The following TCF7L1 variants were observed in gnomAD, a reference collection of about 807,000 sequenced individuals.
The protein encoded by TCF7L1 is transcription factor 7 like 1.
A neutral mutation model predicts 63.7 loss-of-function variants in TCF7L1; 18 were observed. That is an observed-to-expected ratio of 0.28 (90% CI 0.20 to 0.42). The LOEUF (loss-of-function observed/expected upper bound fraction) is 0.42, where lower values mean the gene tolerates loss of function less well. TCF7L1 is among the 10% of genes least tolerant of loss of function. TCF7L1 has a pLI of 1.00. For synonymous variants in TCF7L1, 355 were observed against 340.9 expected (o/e 1.04, Z -0.46); for missense variants, 654 against 779.3 (o/e 0.84, Z 1.91).
rs367793912 is a variant in TCF7L1, at chr2:85,302,604, G to A, written c.646G>A (p.Asp216Asn). The A allele has an allele frequency of 4.7e-5, 69 of 1,473,216 alleles. 1 individual carries two copies. The highest frequency in any genetic ancestry group is 3.9e-4 in the South Asian group (35 of 88,878). The allele number at this position is 1,473,216 out of a possible 1,614,324, so 91.3% of individuals were successfully genotyped here. ...SPPTHLSPEI[D>N]PKTGIPRPPH... The stretch of plus-strand genomic sequence containing the variant: ...TCCCACCCACCTCTCCCCAGAGATC[G>A]ATCCAAAGACAGGTAAGTCGTCTGC... The change falls in exon 5 of 12, where the codon GAT becomes AAT. Residue 216 changes from aspartate (D) to asparagine (N), a missense_variant. Around this residue, in one of 3 missense-constraint regions of TCF7L1, gnomAD observed 404 missense variants for 454.8 expected, o/e 0.89. Coordinates refer to ENST00000282111, the MANE Select transcript of TCF7L1 (RefSeq NM_031283.3).
chr2:85,298,613 A>G (rs1481497674), intron 4 of TCF7L1, among the ~76,000 whole-genome samples: 2 of 152,190 alleles, frequency 1.3e-5, no homozygotes, highest in East Asian at 1.9e-4. Context: ...TGAGCTAGAA[A>G]GAGCTGGCTT....
intron 3 of TCF7L1, among the ~76,000 whole-genome samples, chr2:85,206,827 C>T (rs1390283649): frequency 1.3e-5 from 2 of 152,104 alleles, no homozygotes; most frequent in Non-Finnish European, 1.5e-5. Flanking sequence ...AGGAAACAAA[C>T]GTCTTAGGAG....
rs781174724 is a variant in TCF7L1, at chr2:85,133,969, G to C, written c.249+36G>C. On this transcript the variant is annotated intron_variant, in intron 1 of 11. Coordinates refer to ENST00000282111, the MANE Select transcript of TCF7L1 (RefSeq NM_031283.3). The surrounding 1 kb of genome is among the most constrained non-coding windows in gnomAD (Gnocchi z 4.4). ...ACCGCGGCCACCCCCGGGGGATCCCGGCCCTGCGTCCGCTCACCCGCTCTT... is the reference window on the plus strand; with the variant it reads ...ACCGCGGCCACCCCCGGGGGATCCCCGCCCTGCGTCCGCTCACCCGCTCTT... 1.3e-6 allele frequency: 2 copies of C among 1,586,034 alleles called. No individual in the cohort carries two copies. Among genetic ancestry groups the C allele is most frequent in the South Asian group, 2.3e-5 (2 of 87,710 alleles).
intron 3 of TCF7L1, among the ~76,000 whole-genome samples, chr2:85,255,604 C>A (rs951687912): frequency 6.6e-6 from 1 of 152,194 alleles, no homozygotes; most frequent in Middle Eastern, 3.2e-3. Context: ...GAAGCCTAAA[C>A]AGGGTGGGCT....
At chr2:85,223,172 C>G (rs1159682124) in intron 3 of TCF7L1, among the ~76,000 whole-genome samples, 1 of 152,222 alleles carries the variant, frequency 6.6e-6, no homozygotes, top group Non-Finnish European at 1.5e-5. Context: ...GCTTCAAACT[C>G]CTGGGCCCAA....
At chr2:85,307,068 C>T (rs939918488) in intron 10 of TCF7L1, among the ~76,000 whole-genome samples, 5 of 152,160 alleles carry the variant, frequency 3.3e-5, no homozygotes, top group Non-Finnish European at 7.3e-5. Flanking sequence ...GTCCTGAGGA[C>T]GGACTTCAGT....
intron 3 of TCF7L1, among the ~76,000 whole-genome samples, chr2:85,137,646 A>G (rs62162824): frequency 0.077 from 11,758 of 152,316 alleles, 536 homozygotes; most frequent in Middle Eastern, 0.13. Flanking sequence ...TAATCCCAGC[A>G]CTTTGGGAGG....
chr2:85,158,847 C>A (rs1480996439), intron 3 of TCF7L1, among the ~76,000 whole-genome samples: 1 of 152,230 alleles, frequency 6.6e-6, no homozygotes, highest in African/African-American at 2.4e-5. Context: ...TGAAGGGCCT[C>A]CTGGTACTGC....
intron 3 of TCF7L1, among the ~76,000 whole-genome samples, chr2:85,214,464 C>T (rs553814431): frequency 3.5e-4 from 53 of 152,260 alleles, no homozygotes; most frequent in African/African-American, 1.2e-3. Flanking sequence ...AATTGGGAGC[C>T]TTGATTTGAC....
intron 3 of TCF7L1, among the ~76,000 whole-genome samples, chr2:85,155,818 C>G (rs1207003878): frequency 6.6e-6 from 1 of 152,042 alleles, no homozygotes; most frequent in Non-Finnish European, 1.5e-5. Context: ...GCACCCCACT[C>G]TAACATTGTT....
At chr2:85,262,052 C>G in intron 3 of TCF7L1, 2 of 533,308 alleles carry the variant, frequency 3.8e-6, no homozygotes, top group South Asian at 2.8e-5. Flanking sequence ...GCTGGAGACA[C>G]TTTGTAGCAG....
At chr2:85,141,787 A>G (rs1288346998) in intron 3 of TCF7L1, among the ~76,000 whole-genome samples, 1 of 152,188 alleles carries the variant, frequency 6.6e-6, no homozygotes, top group African/African-American at 2.4e-5. Flanking sequence ...CCCCAGCTTT[A>G]AAGACGAGCC....
chr2:85,243,252 G>A (rs1680380186), intron 3 of TCF7L1, among the ~76,000 whole-genome samples: 1 of 152,184 alleles, frequency 6.6e-6, no homozygotes, highest in Non-Finnish European at 1.5e-5. Context: ...TTTGATGAAA[G>A]GTAACAGCCT....
intron 3 of TCF7L1, among the ~76,000 whole-genome samples, chr2:85,241,442 T>TG (rs1177293892): frequency 1.7e-4 from 20 of 117,686 alleles, no homozygotes; most frequent in South Asian, 2.6e-4. Context: ...TTTTTGTTTT[T>TG]TTTTTTTTTT....
At chr2:85,237,847 G>A (rs376298154) in intron 3 of TCF7L1, among the ~76,000 whole-genome samples, 2 of 152,050 alleles carry the variant, frequency 1.3e-5, no homozygotes, top group African/African-American at 4.8e-5. Context: ...GAGGCCTAAA[G>A]CGGGGTTCGC....
At chr2:85,287,470 T>C (rs1354355247) in intron 4 of TCF7L1, among the ~76,000 whole-genome samples, 1 of 152,182 alleles carries the variant, frequency 6.6e-6, no homozygotes, top group Non-Finnish European at 1.5e-5. Context: ...AACAAACATC[T>C]AACCATTGCA....
chr2:85,281,257 T>G (rs367593527), intron 3 of TCF7L1, among the ~76,000 whole-genome samples: 41 of 152,264 alleles, frequency 2.7e-4, no homozygotes, highest in South Asian at 1.0e-3. Flanking sequence ...ACTCTTGACC[T>G]CGAATGATTT....
At chr2:85,281,224 C>CAA (rs2104366377) in intron 3 of TCF7L1, among the ~76,000 whole-genome samples, 1 of 152,176 alleles carries the variant, frequency 6.6e-6, no homozygotes, top group South Asian at 2.1e-4. Flanking sequence ...GGGGTTTCAC[C>CAA]ATGTTGGCCA....
chr2:85,193,709 G>A (rs772501499), intron 3 of TCF7L1, among the ~76,000 whole-genome samples: 49 of 152,062 alleles, frequency 3.2e-4, no homozygotes, highest in Admixed American at 5.9e-4. Context: ...AAATAAGATG[G>A]CAATTTTATG....
Sources: gnomAD v4.1 joint callset for allele counts (sites outside exome capture counted in the v4.1 genomes callset) on GRCh38, gnomAD v4.1.1 for gene constraint, gnomAD v4.1.1 regional missense constraint, Gnocchi (gnomAD v3.1) non-coding constraint, MANE v1.5 for transcripts, NCBI Gene and HGNC (gene_info 2026-07-23, HGNC 2026-07-21) for gene names.